DMRT1: variants seen among roughly 807,000 people sequenced by gnomAD.
DMRT1 encodes the protein doublesex- and mab-3-related transcription factor 1.
In DMRT1, 7 loss-of-function variants were observed where a neutral mutation model predicts 32.3. The observed-to-expected ratio is 0.22, with a 90% CI of 0.12 to 0.41. The LOEUF (loss-of-function observed/expected upper bound fraction) is 0.41, where lower values mean the gene tolerates loss of function less well. Ranked by LOEUF, DMRT1 falls within the 10% of genes least tolerant of loss-of-function variation. The pLI, the probability that DMRT1 is intolerant of heterozygous loss-of-function variation, is 1.00. For missense variants in DMRT1, 625 were observed against 500.5 expected (o/e 1.25, Z -2.37); for synonymous variants, 278 against 206.1 (o/e 1.35, Z -2.99).
At chr9:909,740 G>T (rs1817905920) in intron 3 of DMRT1, among the ~76,000 whole-genome samples, 1 of 151,834 alleles carries the variant, frequency 6.6e-6, no homozygotes, top group South Asian at 2.1e-4. Context: ...TTGAAACAGG[G>T]TCTTAATCTG....
intron 3 of DMRT1, among the ~76,000 whole-genome samples, chr9:896,285 C>CTTTTTTTT (rs1195951813): frequency 8.2e-6 from 1 of 121,764 alleles, no homozygotes. Context: ...CTTGTCTTTT[C>CTTTTTTTT]TTTTTTTTTT....
At chr9:899,747 G>C (rs1197712774) in intron 3 of DMRT1, among the ~76,000 whole-genome samples, 1 of 152,258 alleles carries the variant, frequency 6.6e-6, no homozygotes, top group Non-Finnish European at 1.5e-5. Context: ...TGTTGTACCA[G>C]GTTGACAAGG....
intron 4 of DMRT1, among the ~76,000 whole-genome samples, chr9:953,372 G>A (rs1819492468): frequency 6.6e-6 from 1 of 152,126 alleles, no homozygotes; most frequent in Admixed American, 6.5e-5. Flanking sequence ...CCCATCCAAG[G>A]ACAGAGTTTA....
At chr9:955,092 G>C (rs567256874) in intron 4 of DMRT1, among the ~76,000 whole-genome samples, 1 of 152,236 alleles carries the variant, frequency 6.6e-6, no homozygotes, top group Non-Finnish European at 1.5e-5. Context: ...CCGTGCTCAG[G>C]GTTGGATTAG....
chr9:953,713 C>T (rs1010888605), intron 4 of DMRT1, among the ~76,000 whole-genome samples: 1 of 152,228 alleles, frequency 6.6e-6, no homozygotes, highest in Non-Finnish European at 1.5e-5. Flanking sequence ...GCTGCCTCTC[C>T]ACCATTCTTT....
chr9:947,811 G>A (rs1819296991), intron 4 of DMRT1, among the ~76,000 whole-genome samples: 1 of 152,164 alleles, frequency 6.6e-6, no homozygotes, highest in Admixed American at 6.5e-5. Context: ...ACTGTCTGAA[G>A]TCAAGTTTTA....
At chr9:881,590 G>A (rs1252593200) in intron 2 of DMRT1, among the ~76,000 whole-genome samples, 1 of 152,142 alleles carries the variant, frequency 6.6e-6, no homozygotes, top group Non-Finnish European at 1.5e-5. Flanking sequence ...TGATAAATTA[G>A]GCTTCTCCAT....
intron 4 of DMRT1, among the ~76,000 whole-genome samples, chr9:949,165 G>C (rs2129946335): frequency 6.6e-6 from 1 of 152,142 alleles, no homozygotes; most frequent in Non-Finnish European, 1.5e-5. Context: ...TTGAGGCCAG[G>C]AGTTTAAGAT....
Position 968,265 on chromosome 9 carries a change from C to G in DMRT1, c.*126C>G. ...GTTGAGAACGTATTTGGTTTATATT[C>G]CTTAGAGTTTAGTCCAGAGGCTGTA... On this transcript the variant is annotated 3_prime_UTR_variant, in exon 5 of 5. Coordinates refer to ENST00000382276, the MANE Select transcript of DMRT1 (RefSeq NM_021951.3). The G allele has an allele frequency of 2.5e-6, 3 of 1,210,446 alleles. No individual in the cohort carries two copies. The highest frequency in any genetic ancestry group is 3.5e-6 in the Non-Finnish European group (3 of 855,368). 75.0% of individuals were successfully genotyped at this position (1,210,446 alleles called of 1,614,324 possible).
rs58893896 is a variant in DMRT1, at chr9:870,709, C to CTTTT, written c.539-23186_539-23183dup. Among the ~76,000 whole-genome samples the CTTTT allele has an allele frequency of 8.2e-4, 57 of 69,558 alleles. 4 individuals are homozygous for CTTTT. Among genetic ancestry groups the CTTTT allele is most frequent in the African/African-American group, 2.5e-3 (38 of 15,256 alleles). The allele number at this position is 69,558 out of a possible 152,430, so 45.6% of individuals were successfully genotyped here. On this transcript the variant is annotated intron_variant, in intron 2 of 4. Coordinates refer to ENST00000382276, the MANE Select transcript of DMRT1 (RefSeq NM_021951.3). ...GTTCCCATATTTCTCATTTTCTTGA[C>CTTTT]TTTTTTTTTTTTTTTTTTTTGAGAC... is the stretch of plus-strand genomic sequence containing the variant.
At position 851,041 on chromosome 9, in the gene DMRT1, A is replaced by AAAG. The variant is rs1443532590; in HGVS notation, c.538+3900_538+3901insGAA. Among the ~76,000 whole-genome samples, 18 of 51,106 alleles carry AAAG rather than the reference A, an allele frequency of 3.5e-4. 1 individual carries two copies. The highest frequency in any genetic ancestry group is 7.0e-4 in the East Asian group (2 of 2,874). 33.5% of individuals were successfully genotyped at this position (51,106 alleles called of 152,430 possible). A position where few individuals can be genotyped will look rare whatever the true frequency, so the allele number is the denominator to read the frequency against. The stretch of plus-strand genomic sequence containing the variant: ...GAGACTCTATCTCAAAAAAAAAAAA[A>AAAG]AAAAGAAAGAAAAATAGACGTGGAA... On this transcript the variant is annotated intron_variant, in intron 2 of 4. Transcript: ENST00000382276.
In DMRT1 at chr9:847,114, C is replaced by T. The variant is rs201896486; in HGVS notation, c.509C>T (p.Pro170Leu). 4.8e-5 allele frequency: 77 copies of T among 1,613,336 alleles called. No individual in the cohort carries two copies. The highest frequency in any genetic ancestry group is 6.7e-5 in the African/African-American group (5 of 75,018). Reference sequence around the variant, plus strand: ...TGCAGTGGCACCTCTCAGCCACCGCCGGCCAGTGTCCCCACCACTGCAGCT... The same window carrying T: ...TGCAGTGGCACCTCTCAGCCACCGCTGGCCAGTGTCCCCACCACTGCAGCT... ...TECSGTSQPPPASVPTTAASE... is the reference protein window; with the variant it reads ...TECSGTSQPPLASVPTTAASE... Residue 170 changes from proline (P) to leucine (L), a missense_variant, in exon 2 of 5, where the codon CCG becomes CTG. Coordinates refer to ENST00000382276, the MANE Select transcript of DMRT1 (RefSeq NM_021951.3).
chr9:918,517 C>T (rs1818254794), intron 4 of DMRT1, among the ~76,000 whole-genome samples: 1 of 152,152 alleles, frequency 6.6e-6, no homozygotes, highest in Admixed American at 6.5e-5. Flanking sequence ...AAAGAGGTTA[C>T]AGTCCAGGAA....
rs1267089329 is a variant in DMRT1, at chr9:894,203, A to G, written c.822+8A>G. 3 of 1,612,684 alleles carry G rather than the reference A, an allele frequency of 1.9e-6. No homozygotes were observed. Among genetic ancestry groups the G allele is most frequent in the Non-Finnish European group, 2.5e-6 (3 of 1,179,966 alleles). ...ACAGGAAACCAGTGGCAGGTATGAT[A>G]TTAATTACCCAGAGAGTGAACTGGT... On this transcript the variant is annotated splice_region_variant and intron_variant, in intron 3 of 4. Coordinates refer to ENST00000382276, the MANE Select transcript of DMRT1 (RefSeq NM_021951.3).
chr9:878,906 G>T (rs1019828797), intron 2 of DMRT1, among the ~76,000 whole-genome samples: 2 of 152,142 alleles, frequency 1.3e-5, no homozygotes, highest in African/African-American at 4.8e-5. Context: ...TGATTGCATG[G>T]CATTAGATTT....
At chr9:894,336 A>AT in intron 3 of DMRT1, 141 bp downstream of exon 3, 1 of 854,098 alleles carries the variant, frequency 1.2e-6, no homozygotes, top group Non-Finnish European at 1.9e-6. Context: ...GTACACACAC[A>AT]TATGTGTGTG....
intron 2 of DMRT1, among the ~76,000 whole-genome samples, chr9:875,404 G>C (rs1816454578): frequency 6.6e-6 from 1 of 152,084 alleles, no homozygotes; most frequent in Non-Finnish European, 1.5e-5. Flanking sequence ...ACACAGGCCG[G>C]ACCCTCCCCA....
intron 2 of DMRT1, among the ~76,000 whole-genome samples, chr9:887,922 AGTT>A (rs1298538433): frequency 2.1e-4 from 32 of 152,272 alleles, no homozygotes; most frequent in Non-Finnish European, 4.3e-4. Flanking sequence ...CTTTGAACAT[AGTT>A]GTTATATGAT....
chr9:949,985 C>T (rs1295583773), intron 4 of DMRT1, among the ~76,000 whole-genome samples: 4 of 152,216 alleles, frequency 2.6e-5, no homozygotes, highest in Non-Finnish European at 5.9e-5. Flanking sequence ...TGCTTCCATG[C>T]ATTCCTTGGG....
Sources: gnomAD v4.1 joint callset for allele counts (sites outside exome capture counted in the v4.1 genomes callset) on GRCh38, gnomAD v4.1.1 for gene constraint, MANE v1.5 for transcripts, NCBI Gene and HGNC (gene_info 2026-07-23, HGNC 2026-07-21) for gene names.